Variants in IKZF4 observed in about 807,000 individuals in gnomAD.
IKZF4 encodes IKAROS family zinc finger 4, also known as zinc finger protein Eos.
IKZF4 carries 11 observed loss-of-function variants against 47.7 expected under a neutral mutation model. The observed-to-expected ratio is 0.23, with a 90% CI of 0.15 to 0.38. IKZF4 has a LOEUF of 0.38. Ranked by LOEUF, IKZF4 falls within the 10% of genes least tolerant of loss-of-function variation. IKZF4 has a pLI of 1.00. For synonymous variants in IKZF4, 298 were observed against 299.4 expected, an observed-to-expected ratio of 1.00 and a Z score of 0.05; for missense variants, 557 against 784.9, an observed-to-expected ratio of 0.71 and a Z score of 3.47.
At chr12:56,024,464 A>C (rs951181901) in intron 2 of IKZF4, among the ~76,000 whole-genome samples, 2 of 152,216 alleles carry the variant, frequency 1.3e-5, no homozygotes, top group African/African-American at 4.8e-5. Context: ...TTTGTACCTC[A>C]GTTGCCTCAT....
At position 56,034,658 on chromosome 12, in the gene IKZF4, A is replaced by C. The variant is rs1593005887; in HGVS notation, c.1085A>C (p.His362Pro). ...GAAAAGGATGTGGAGTTGGTGGCAC[A>C]CCACAGCCTAGAGCCTGGCTTTGGA... ...GYEKDVELVA[H>P]HSLEPGFGSS... is the part of the protein sequence containing the mutation. The change falls in exon 8 of 8, where the codon CAC (histidine) becomes CCC (proline). Residue 362 changes from histidine to proline, a missense_variant. Coordinates refer to ENST00000547167, the MANE Select transcript of IKZF4 (RefSeq NM_022465.4). The C allele has an allele frequency of 6.2e-7, 1 of 1,614,006 alleles. No individual in the cohort carries two copies. The highest frequency in any genetic ancestry group is 8.5e-7 in the Non-Finnish European group (1 of 1,179,876).
upstream of IKZF4, among the ~76,000 whole-genome samples, chr12:56,016,167 T>TG (rs899534629): frequency 7.5e-4 from 49 of 65,460 alleles, no homozygotes; most frequent in East Asian, 8.7e-3. Context: ...TGGGTGGGGG[T>TG]GGGGGGGCAG....
intron 1 of IKZF4, 37 bp downstream of exon 1, chr12:56,021,617 A>AG (rs775612402): frequency 6.4e-7 from 1 of 1,557,348 alleles, no homozygotes; most frequent in Non-Finnish European, 8.7e-7. Flanking sequence ...GGAGGGAGGA[A>AG]GGGGGGTGCT....
rs1262431512 is a variant in IKZF4 at position 56,037,852 on chromosome 12, G to T, written c.*2521G>T. The T allele has an allele frequency of 6.7e-6, 1 of 150,210 alleles. No homozygotes were observed. Among genetic ancestry groups the T allele is most frequent in the Non-Finnish European group, 1.5e-5 (1 of 67,474 alleles). The allele number at this position is 150,210 out of a possible 1,614,324, so 9.3% of individuals were successfully genotyped here. A position where few individuals can be genotyped will look rare whatever the true frequency, so the allele number is the denominator to read the frequency against. On this transcript the variant is annotated 3_prime_UTR_variant, in exon 8 of 8. Transcript: ENST00000547167. ...CCTTTTGCATAAAAAAAAAAGTAAA[G>T]AAAAAGAAAAAAAAATACACACACA...
intron 2 of IKZF4, chr12:56,024,565 G>A: frequency 3.6e-6 from 3 of 843,122 alleles, no homozygotes; most frequent in South Asian, 5.0e-5. Flanking sequence ...AATAAAGCCT[G>A]GCACATAGTA....
chr12:56,032,859 C>A, intron 6 of IKZF4, 149 bp downstream of exon 6: 1 of 979,248 alleles, frequency 1.0e-6, no homozygotes, highest in Non-Finnish European at 1.5e-6. Flanking sequence ...ACACCCCATT[C>A]TAGGTAACCC....
chr12:56,029,342 T>C (rs1400107992), intron 5 of IKZF4, among the ~76,000 whole-genome samples: 1 of 152,206 alleles, frequency 6.6e-6, no homozygotes, highest in African/African-American at 2.4e-5. Context: ...TTAGGCATTT[T>C]ACTAAGCTTT....
chr12:56,034,587 C>A lies in IKZF4; in HGVS notation c.1014C>A (p.Arg338=), dbSNP rs375025153. Residue 338 remains arginine (R), a synonymous_variant, in exon 8 of 8, where the codon CGC becomes CGA. Transcript: ENST00000547167. ...TCTCCACAGGCGAAAAGCAGATGCG[C>A]TTCAGCCTCTCAGACCTCCCCTATG... ...PQKFVGEKQM[R]FSLSDLPYDV... is the part of the protein sequence containing the mutation. The A allele has an allele frequency of 1.9e-6, 3 of 1,609,874 alleles. No individual in the cohort carries two copies. In the African/African-American group the frequency reaches 4.0e-5, roughly 22 times the overall value.
chr12:56,035,402 A>C lies in IKZF4; in HGVS notation c.*71A>C, dbSNP rs1593010399. 4 of 1,513,694 alleles carry C rather than the reference A, an allele frequency of 2.6e-6. No homozygotes were observed. The East Asian group carries it at 9.1e-5, about 34-fold the overall frequency. 93.8% of individuals were successfully genotyped at this position (1,513,694 alleles called of 1,614,324 possible). ...ACAGGCATTGATCCCTGTCCCCACC[A>C]TTTCCCAAGGAGTTTTGCTTTGTAG... is the stretch of plus-strand genomic sequence containing the variant. On this transcript the variant is annotated 3_prime_UTR_variant, in exon 8 of 8. Transcript: ENST00000547167. The surrounding 1 kb of genome is among the most constrained non-coding windows in gnomAD (Gnocchi z 6.1).
rs1334239010 is a variant in IKZF4 at position 56,036,497 on chromosome 12, C to T, written c.*1166C>T. The T allele has an allele frequency of 1.3e-5, 2 of 152,260 alleles. No homozygotes were observed. Among genetic ancestry groups the T allele is most frequent in the African/African-American group, 4.8e-5 (2 of 41,466 alleles). The allele number at this position is 152,260 out of a possible 1,614,324, so 9.4% of individuals were successfully genotyped here. On this transcript the variant is annotated 3_prime_UTR_variant, in exon 8 of 8. Coordinates refer to ENST00000547167, the MANE Select transcript of IKZF4 (RefSeq NM_022465.4). ...GGATTCACCCTCTCATTCCCGGGCT[C>T]CTGGGCCCTGTTCTTAGGATCAGTG...
rs752155662 is a variant in IKZF4 at position 56,034,781 on chromosome 12, A to G, written c.1208A>G (p.Tyr403Cys). The change falls in exon 8 of 8, where the codon TAC becomes TGC. Residue 403 changes from tyrosine (Y) to cysteine (C), a missense_variant. Physicochemically the swap from Tyr to Cys is radical, Grantham distance 194 (BLOSUM62 -2). Around this residue, in one of 6 missense-constraint regions of IKZF4, gnomAD observed 280 missense variants for 314.0 expected, o/e 0.89. Transcript: ENST00000547167. The stretch of plus-strand genomic sequence containing the variant: ...CTCACGCCTGTCATCAGCTCTGTCT[A>G]CACCCAGATGCAGCCCCTCCCTGGT... ...SELTPVISSVYTQMQPLPGRL... is the reference protein window; with the variant it reads ...SELTPVISSVCTQMQPLPGRL... 9.9e-6 allele frequency: 16 copies of G among 1,613,968 alleles called. No individual in the cohort carries two copies. The highest frequency in any genetic ancestry group is 1.3e-5 in the Non-Finnish European group (15 of 1,179,876).
intron 2 of IKZF4, among the ~76,000 whole-genome samples, chr12:56,012,272 CTTTTTT>C (rs1227746530): frequency 7.4e-6 from 1 of 134,890 alleles, no homozygotes; most frequent in Admixed American, 7.5e-5. Context: ...TGTTAAATGA[CTTTTTT>C]TTTTTTTTTT....
At chr12:56,029,955 T>G (rs1292373442) in intron 5 of IKZF4, among the ~76,000 whole-genome samples, 1 of 152,094 alleles carries the variant, frequency 6.6e-6, no homozygotes, top group Non-Finnish European at 1.5e-5. Context: ...GTGAACTGGG[T>G]AGATTTTGGA....
chr12:56,013,603 T>C (rs1297431568), intron 2 of IKZF4, among the ~76,000 whole-genome samples: 1 of 152,170 alleles, frequency 6.6e-6, no homozygotes, highest in Non-Finnish European at 1.5e-5. Flanking sequence ...GCAATGTGTC[T>C]CCAATTGGCA....
At chr12:56,032,539 A>G (rs1196430874) in intron 5 of IKZF4, 22 bp from the exon 6 acceptor site, 1 of 1,598,974 alleles carries the variant, frequency 6.3e-7, no homozygotes. Flanking sequence ...CTCTGATGCC[A>G]TCTTTCCACT....
chr12:56,019,989 T>G (rs1451025089), upstream of IKZF4, among the ~76,000 whole-genome samples: 3 of 152,242 alleles, frequency 2.0e-5, no homozygotes, highest in African/African-American at 7.2e-5. Flanking sequence ...AGGCTACCAT[T>G]AGCCCTGAAA....
intron 5 of IKZF4, among the ~76,000 whole-genome samples, chr12:56,031,034 A>C (rs529335332): frequency 6.6e-6 from 1 of 152,072 alleles, no homozygotes; most frequent in African/African-American, 2.4e-5. Context: ...CAGACAGATC[A>C]TGAGGTCAGG....
Position 56,034,888 on chromosome 12 carries a change from C to G in IKZF4, c.1315C>G (p.Arg439Gly), listed in dbSNP as rs759089421. ...ADGGPLLYRP[R>G]GPLTDPGASP... ...TGGAGGTCCCCTCCTCTACCGGCCC[C>G]GAGGCCCCCTGACTGACCCTGGGGC... is the stretch of plus-strand genomic sequence containing the variant. The change falls in exon 8 of 8, where the codon CGA (arginine) becomes GGA (glycine). Residue 439 changes from arginine (R) to glycine (G), a missense_variant. Arg to Gly is a moderately radical substitution (Grantham distance 125, BLOSUM62 -2). Transcript: ENST00000547167. The G allele has an allele frequency of 6.4e-5, 103 of 1,607,840 alleles. 1 individual carries two copies. The highest frequency in any genetic ancestry group is 8.3e-5 in the Non-Finnish European group (98 of 1,176,914).
At chr12:56,030,471 T>G (rs1894748526) in intron 5 of IKZF4, among the ~76,000 whole-genome samples, 1 of 150,966 alleles carries the variant, frequency 6.6e-6, no homozygotes, top group South Asian at 2.1e-4. Context: ...GGCTCACGCC[T>G]GTAATCCCAG....
Sources: allele counts gnomAD v4.1 joint callset (sites outside exome capture counted in the v4.1 genomes callset), GRCh38; gene constraint gnomAD v4.1.1; regional missense constraint gnomAD v4.1.1; non-coding constraint Gnocchi (gnomAD v3.1); transcripts MANE v1.5; gene names NCBI Gene and HGNC (gene_info 2026-07-23, HGNC 2026-07-21).